Variants in PPP6R3 observed in about 807,000 individuals in gnomAD.
PPP6R3 encodes the protein serine/threonine-protein phosphatase 6 regulatory subunit 3.
A neutral mutation model predicts 110.7 loss-of-function variants in PPP6R3; 38 were observed. The ratio of observed to expected loss-of-function variants is 0.34; its 90% CI spans 0.26 to 0.45. PPP6R3 has a LOEUF of 0.45. Ranked by LOEUF, PPP6R3 falls within the 20% of genes least tolerant of loss-of-function variation. PPP6R3 has a pLI of 1.00. For synonymous variants in PPP6R3, 369 were observed against 373.5 expected, an observed-to-expected ratio of 0.99 and a Z score of 0.14; for missense variants, 870 against 1,062.4, an observed-to-expected ratio of 0.82 and a Z score of 2.52.
Position 68,614,155 on chromosome 11 carries a change from G to A in PPP6R3, c.*1038G>A, listed in dbSNP as rs1944719342. ...ATTTTAAAAGTAGAAATCAAAATCTGGCACCGAAGCATGCTAATTGTTTAC... is the reference window on the plus strand; with the variant it reads ...ATTTTAAAAGTAGAAATCAAAATCTAGCACCGAAGCATGCTAATTGTTTAC... On this transcript the variant is annotated 3_prime_UTR_variant, in exon 24 of 24. Transcript: ENST00000393800. 7.4e-5 allele frequency: 73 copies of A among 986,026 alleles called. No homozygotes were observed. Among genetic ancestry groups the A allele is most frequent in the Non-Finnish European group, 8.3e-5 (69 of 830,236 alleles). 61.1% of individuals were successfully genotyped at this position (986,026 alleles called of 1,614,324 possible).
Position 68,579,764 on chromosome 11 carries a change from G to A in PPP6R3, c.1546-3279G>A, listed in dbSNP as rs145943046. 3.4e-3 allele frequency among the ~76,000 whole-genome samples: 521 copies of A among 152,300 alleles called. 6 individuals are homozygous for A. The highest frequency in any genetic ancestry group is 0.012 in the African/African-American group (498 of 41,568). ...ATTAGAATACTCGATTTTACTGCACGTTTTTTATTTGTAGATACACAAATA... is the reference window on the plus strand; with the variant it reads ...ATTAGAATACTCGATTTTACTGCACATTTTTTATTTGTAGATACACAAATA... On this transcript the variant is annotated intron_variant, in intron 14 of 23. Transcript: ENST00000393800.
At chr11:68,498,740 G>A (rs1383025607) in intron 1 of PPP6R3, among the ~76,000 whole-genome samples, 2 of 152,222 alleles carry the variant, frequency 1.3e-5, no homozygotes, top group African/African-American at 4.8e-5. Flanking sequence ...ACATTGGATA[G>A]ATGGTAGTTT....
intron 19 of PPP6R3, 126 bp from the exon 20 acceptor site, chr11:68,600,215 C>T: frequency 9.2e-7 from 1 of 1,083,842 alleles, no homozygotes; most frequent in Non-Finnish European, 1.4e-6. Context: ...CGCTCCTGCC[C>T]TCATTGGTGA....
intron 8 of PPP6R3, among the ~76,000 whole-genome samples, chr11:68,561,090 G>A (rs563949709): frequency 6.6e-6 from 1 of 151,846 alleles, no homozygotes; most frequent in African/African-American, 2.4e-5. Flanking sequence ...TAGTAGAGAC[G>A]GGGTTTCACC....
chr11:68,518,132 A>C (rs564589411), intron 1 of PPP6R3, among the ~76,000 whole-genome samples: 1 of 152,328 alleles, frequency 6.6e-6, no homozygotes, highest in African/African-American at 2.4e-5. Context: ...GTTGGCACTA[A>C]AACTACTGGA....
intron 14 of PPP6R3, among the ~76,000 whole-genome samples, chr11:68,577,812 G>C (rs562279590): frequency 9.9e-5 from 15 of 152,202 alleles, no homozygotes; most frequent in African/African-American, 3.4e-4. Context: ...ATTGCGTCTC[G>C]GTTCTTCTTT....
intron 1 of PPP6R3, among the ~76,000 whole-genome samples, chr11:68,507,738 C>T (rs1255282279): frequency 6.6e-6 from 1 of 152,118 alleles, no homozygotes; most frequent in Non-Finnish European, 1.5e-5. Context: ...ACTAGTGTTT[C>T]TTGCTTTTGT....
intron 5 of PPP6R3, among the ~76,000 whole-genome samples, chr11:68,549,241 C>T (rs938584740): frequency 6.6e-6 from 1 of 152,252 alleles, no homozygotes; most frequent in Admixed American, 6.5e-5. Context: ...ATGCTTCAGT[C>T]TATCCGTCTT....
chr11:68,491,577 T>G (rs1378274615), intron 1 of PPP6R3, among the ~76,000 whole-genome samples: 1 of 152,088 alleles, frequency 6.6e-6, no homozygotes, highest in Non-Finnish European at 1.5e-5. Flanking sequence ...CCTGAACTTC[T>G]GGGCTCAAGC....
intron 6 of PPP6R3, 66 bp downstream of exon 6, chr11:68,551,252 C>A: frequency 8.5e-7 from 1 of 1,183,010 alleles, no homozygotes; most frequent in Non-Finnish European, 1.2e-6. Flanking sequence ...TTATTGGGCA[C>A]AGAGCATACT....
chr11:68,607,896 C>T (rs1291195253), intron 22 of PPP6R3, among the ~76,000 whole-genome samples: 1 of 152,034 alleles, frequency 6.6e-6, no homozygotes. Context: ...ACCTCAGTAT[C>T]CCAAGTAGCT....
At chr11:68,572,089 T>C (rs1480315213) in intron 12 of PPP6R3, among the ~76,000 whole-genome samples, 4 of 152,054 alleles carry the variant, frequency 2.6e-5, no homozygotes, top group Non-Finnish European at 5.9e-5. Flanking sequence ...ATTGGCATTT[T>C]GTTTGTTTGT....
chr11:68,472,133 C>T (rs1019812122), intron 1 of PPP6R3, among the ~76,000 whole-genome samples: 22 of 152,208 alleles, frequency 1.4e-4, no homozygotes, highest in Non-Finnish European at 2.2e-4. Context: ...GTAGGCATTG[C>T]TTCATTTAAC....
intron 22 of PPP6R3, among the ~76,000 whole-genome samples, chr11:68,604,110 C>G (rs1282232837): frequency 6.6e-6 from 1 of 152,190 alleles, no homozygotes; most frequent in African/African-American, 2.4e-5. Flanking sequence ...GAAGGAATGC[C>G]TCCCTGCTTA....
chr11:68,521,714 G>A (rs953566623), intron 2 of PPP6R3, among the ~76,000 whole-genome samples: 4 of 152,182 alleles, frequency 2.6e-5, no homozygotes, highest in Non-Finnish European at 1.5e-5. Flanking sequence ...GCAAAAAAGA[G>A]GATTTTATGA....
At chr11:68,469,560 G>A (rs1362395961) in intron 1 of PPP6R3, among the ~76,000 whole-genome samples, 1 of 143,170 alleles carries the variant, frequency 7.0e-6, no homozygotes, top group Non-Finnish European at 1.5e-5. Flanking sequence ...TTTTTTTCTT[G>A]TAGAGACAAG....
chr11:68,567,791 A>G (rs1446457756), intron 10 of PPP6R3, among the ~76,000 whole-genome samples: 1 of 152,240 alleles, frequency 6.6e-6, no homozygotes, highest in Non-Finnish European at 1.5e-5. Context: ...AGCAGGTTTC[A>G]CAAGACATCT....
chr11:68,492,732 G>A (rs970616243), intron 1 of PPP6R3, among the ~76,000 whole-genome samples: 4 of 152,126 alleles, frequency 2.6e-5, no homozygotes, highest in African/African-American at 9.7e-5. Context: ...TTCCCCAGTG[G>A]CACATGAGGG....
intron 1 of PPP6R3, among the ~76,000 whole-genome samples, chr11:68,477,921 A>G (rs896591693): frequency 2.6e-5 from 4 of 151,100 alleles, no homozygotes; most frequent in African/African-American, 9.7e-5. Flanking sequence ...TTGTGTGTGT[A>G]GAGACAGGCT....
Sources: allele counts gnomAD v4.1 joint callset (sites outside exome capture counted in the v4.1 genomes callset), GRCh38; gene constraint gnomAD v4.1.1; transcripts MANE v1.5; gene names NCBI Gene and HGNC (gene_info 2026-07-23, HGNC 2026-07-21).